Variants in CD226 observed in about 807,000 individuals in gnomAD.
CD226 encodes the protein CD226 antigen.
In CD226, 24 loss-of-function variants were observed where a neutral mutation model predicts 34.9. The observed-to-expected ratio is 0.69, with a 90% CI of 0.50 to 0.97. CD226 has a LOEUF of 0.97. Among genes scored for constraint, CD226 ranks in the 50% least tolerant of loss-of-function variants. The probability of loss-of-function intolerance (pLI) is 0.00; values close to 1 mark genes in which losing one functional copy is unlikely to be tolerated. For synonymous variants in CD226, 148 were observed against 147.4 expected, an observed-to-expected ratio of 1.00 and a Z score of -0.03; for missense variants, 397 against 412.7, an observed-to-expected ratio of 0.96 and a Z score of 0.33.
intron 2 of CD226, among the ~76,000 whole-genome samples, chr18:69,919,290 A>G (rs1482231600): frequency 6.6e-6 from 1 of 152,212 alleles, no homozygotes; most frequent in Non-Finnish European, 1.5e-5. Context: ...ATAACGGAGC[A>G]ACCCAGGCAA....
intron 2 of CD226, among the ~76,000 whole-genome samples, chr18:69,934,324 C>A (rs375218458): frequency 4.8e-5 from 7 of 146,516 alleles, no homozygotes; most frequent in African/African-American, 1.6e-4. Context: ...ACGCACACCC[C>A]TTCACTAAGC....
At chr18:69,948,945 T>C (rs1236157494), upstream of CD226, among the ~76,000 whole-genome samples, 1 of 152,200 alleles carries the variant, frequency 6.6e-6, no homozygotes. Flanking sequence ...CTAAGTTTTA[T>C]GAAAGCCAGA....
At chr18:69,930,871 A>C (rs2055580953) in intron 2 of CD226, among the ~76,000 whole-genome samples, 1 of 152,218 alleles carries the variant, frequency 6.6e-6, no homozygotes, top group East Asian at 1.9e-4. Context: ...CCTTCATGTT[A>C]GACTTCAGAG....
At chr18:69,901,696 G>A (rs1211646024) in intron 2 of CD226, among the ~76,000 whole-genome samples, 4 of 151,390 alleles carry the variant, frequency 2.6e-5, no homozygotes, top group East Asian at 1.9e-4. Flanking sequence ...TGGCTAACAT[G>A]GTGAAACCCC....
rs191820421 is a variant in CD226, at chr18:69,901,365, T to C, written c.383-5320A>G. On this transcript the variant is annotated intron_variant, in intron 2 of 5. Transcript: ENST00000582621. Reference sequence around the variant, plus strand: ...ATGTTTATGTTAAAAAGAAAACTCATCTTTTGAGATTCAGGCTAAAATATT... The same window carrying C: ...ATGTTTATGTTAAAAAGAAAACTCACCTTTTGAGATTCAGGCTAAAATATT... 4.1e-3 allele frequency among the ~76,000 whole-genome samples: 620 copies of C among 152,304 alleles called. 1 individual carries two copies. Among genetic ancestry groups the C allele is most frequent in the Non-Finnish European group, 6.9e-3 (468 of 68,034 alleles).
At chr18:69,904,670 G>T (rs1016466620) in intron 2 of CD226, among the ~76,000 whole-genome samples, 2 of 152,210 alleles carry the variant, frequency 1.3e-5, no homozygotes, top group Admixed American at 1.3e-4. Context: ...CCATTCTGCA[G>T]TTTCTCTCAA....
At chr18:69,942,738 G>A (rs1056077879) in intron 2 of CD226, among the ~76,000 whole-genome samples, 1 of 152,104 alleles carries the variant, frequency 6.6e-6, no homozygotes, top group Non-Finnish European at 1.5e-5. Flanking sequence ...TGTGGGTGTA[G>A]GGGGCCTCAG....
intron 2 of CD226, among the ~76,000 whole-genome samples, chr18:69,898,227 C>G (rs17208329): frequency 1.3e-5 from 2 of 151,952 alleles, no homozygotes; most frequent in Non-Finnish European, 2.9e-5. Context: ...GAGGAGAAAT[C>G]GACTTTCATG....
chr18:69,923,506 T>G (rs2055479696), intron 2 of CD226, among the ~76,000 whole-genome samples: 1 of 152,200 alleles, frequency 6.6e-6, no homozygotes, highest in Non-Finnish European at 1.5e-5. Context: ...CTCTATCACC[T>G]TCTCTATCTG....
chr18:69,924,402 T>C (rs4891792), intron 2 of CD226, among the ~76,000 whole-genome samples: 138,958 of 152,108 alleles, frequency 0.91, 64,518 homozygotes, highest in East Asian at 1. Flanking sequence ...TGACAAAAGG[T>C]GATTCTGACT....
chr18:69,960,656 G>T (rs1433074671), upstream of CD226, among the ~76,000 whole-genome samples: 2 of 152,070 alleles, frequency 1.3e-5, no homozygotes, highest in African/African-American at 4.8e-5. Context: ...TGCCTTCTTG[G>T]CCAGGCTCGT....
intron 3 of CD226, among the ~76,000 whole-genome samples, chr18:69,880,330 G>GAGAAAGAA (rs74175399): frequency 2.2e-5 from 3 of 134,964 alleles, no homozygotes; most frequent in African/African-American, 8.6e-5. Context: ...AAAAGAAAGA[G>GAGAAAGAA]AGAAAGAAAG....
upstream of CD226, among the ~76,000 whole-genome samples, chr18:69,957,382 A>AG (rs1327012994): frequency 6.6e-6 from 1 of 151,774 alleles, no homozygotes. Context: ...ATTCTCCGAC[A>AG]GAAAAAGTAC....
In CD226 at chr18:69,853,519, C is replaced by T. The variant is rs1345846093; in HGVS notation, c.*10795G>A. On this transcript the variant is annotated 3_prime_UTR_variant, in exon 6 of 6. Transcript: ENST00000582621. ...CATGGAGTCTTCTAATTCTCATTTA[C>T]CTTTTGTGCAACTAAACCTTAAAAT... 3 of 152,164 alleles carry T rather than the reference C, an allele frequency of 2.0e-5. No homozygotes were observed. The highest frequency in any genetic ancestry group is 2.9e-5 in the Non-Finnish European group (2 of 68,046). The allele number at this position is 152,164 out of a possible 1,614,324, so 9.4% of individuals were successfully genotyped here. A position where few individuals can be genotyped will look rare whatever the true frequency, so the allele number is the denominator to read the frequency against.
At chr18:69,940,097 T>G (rs1161135243) in intron 2 of CD226, among the ~76,000 whole-genome samples, 5 of 152,278 alleles carry the variant, frequency 3.3e-5, no homozygotes, top group South Asian at 4.1e-4. Context: ...TGAGATCTGA[T>G]GGTTTTATAA....
intron 2 of CD226, among the ~76,000 whole-genome samples, chr18:69,899,076 T>A (rs2145254543): frequency 6.6e-6 from 1 of 152,352 alleles, no homozygotes; most frequent in Non-Finnish European, 1.5e-5. Flanking sequence ...TTGCAGGATA[T>A]CATGATTAAA....
intron 2 of CD226, among the ~76,000 whole-genome samples, chr18:69,946,009 C>G (rs776158710): frequency 1.3e-5 from 2 of 151,588 alleles, no homozygotes; most frequent in Non-Finnish European, 2.9e-5. Context: ...CCCACCAGGT[C>G]CCTCCCACAA....
intron 2 of CD226, among the ~76,000 whole-genome samples, chr18:69,920,388 A>G (rs2055436725): frequency 6.6e-6 from 1 of 152,196 alleles, no homozygotes; most frequent in African/African-American, 2.4e-5. Context: ...ATGTCCATTT[A>G]TATACAAGAT....
rs1004614946 is a variant in CD226, at chr18:69,853,448, G to A, written c.*10866C>T. The A allele has an allele frequency of 7.2e-5, 11 of 152,026 alleles. No homozygotes were observed. The highest frequency in any genetic ancestry group is 1.7e-4 in the African/African-American group (7 of 41,380). The allele number at this position is 152,026 out of a possible 1,614,324, so 9.4% of individuals were successfully genotyped here. On this transcript the variant is annotated 3_prime_UTR_variant, in exon 6 of 6. Coordinates refer to ENST00000582621, the MANE Select transcript of CD226 (RefSeq NM_001303618.2). ...CAGAAGCCTAATATCTAAATATATA[G>A]ACATAGAACCCTTGACAATGCTTTA... is the stretch of plus-strand genomic sequence containing the variant.
Sources: allele counts gnomAD v4.1 joint callset (sites outside exome capture counted in the v4.1 genomes callset), GRCh38; gene constraint gnomAD v4.1.1; transcripts MANE v1.5; gene names NCBI Gene and HGNC (gene_info 2026-07-23, HGNC 2026-07-21).